HECW1: variants seen among roughly 807,000 people sequenced by gnomAD.
HECW1 encodes the protein HECT, C2 and WW domain containing E3 ubiquitin protein ligase 1.
A neutral mutation model predicts 182.3 loss-of-function variants in HECW1; 61 were observed. The observed-to-expected ratio is 0.33, with a 90% confidence interval of 0.27 to 0.41. The LOEUF (loss-of-function observed/expected upper bound fraction) is 0.41. Among genes scored for constraint, HECW1 ranks in the 10% least tolerant of loss-of-function variants. The pLI is 1.00. For synonymous variants in HECW1, 859 were observed against 832.6 expected (o/e 1.03, Z -0.55); for missense variants, 1,739 against 2,108.9 (o/e 0.82, Z 3.44).
chr7:43,336,144 TTCTCTCTCTCTCTCTC>T lies in HECW1; in HGVS notation c.460+15442_460+15457del, dbSNP rs768468130. Reference sequence around the variant, plus strand: ...TTTCTTTCTCTCTCTCTCTCTCTCTTTCTCTCTCTCTCTCTCTCTCTCTCTCTCTCTCTCTCTCTCT... The same window carrying T: ...TTTCTTTCTCTCTCTCTCTCTCTCTTTCTCTCTCTCTCTCTCTCTCTCTCT... On this transcript the variant is annotated intron_variant, in intron 5 of 29. Coordinates refer to ENST00000395891, the MANE Select transcript of HECW1 (RefSeq NM_015052.5). Among the ~76,000 whole-genome samples the T allele has an allele frequency of 4.6e-3, 238 of 51,940 alleles. 1 individual carries two copies. The highest frequency in any genetic ancestry group is 0.018 in the East Asian group (34 of 1,880). 34.1% of individuals were successfully genotyped at this position (51,940 alleles called of 152,430 possible).
intron 7 of HECW1, among the ~76,000 whole-genome samples, chr7:43,404,566 G>A (rs1411138421): frequency 6.6e-6 from 1 of 152,202 alleles, no homozygotes; most frequent in Non-Finnish European, 1.5e-5. Context: ...TGCAGATGTG[G>A]ACAAGTTGTT....
intron 2 of HECW1, among the ~76,000 whole-genome samples, chr7:43,142,542 T>C (rs930281219): frequency 1.6e-4 from 25 of 152,150 alleles, no homozygotes; most frequent in African/African-American, 6.0e-4. Context: ...GCCAACGTCC[T>C]GCTAGGTTTC....
At chr7:43,202,798 G>GCTT (rs1562668925) in intron 2 of HECW1, among the ~76,000 whole-genome samples, 2 of 152,172 alleles carry the variant, frequency 1.3e-5, no homozygotes, top group African/African-American at 4.8e-5. Flanking sequence ...GAAGAATCAC[G>GCTT]AAAGAAGTGA....
At chr7:43,335,748 CCTCT>C (rs1470897006) in intron 5 of HECW1, among the ~76,000 whole-genome samples, 1 of 145,964 alleles carries the variant, frequency 6.9e-6, no homozygotes, top group South Asian at 2.2e-4. Flanking sequence ...TTCCTCCTTT[CCTCT>C]CTTTCTTTCT....
At chr7:43,311,732 G>C (rs1358851564) in intron 3 of HECW1, 31 bp from the exon 4 acceptor site, 7 of 1,608,118 alleles carry the variant, frequency 4.4e-6, no homozygotes, top group Non-Finnish European at 6.0e-6. Flanking sequence ...GGCGTGCCCT[G>C]ACCCTGCTCA....
intron 2 of HECW1, among the ~76,000 whole-genome samples, chr7:43,188,385 T>A (rs10486736): frequency 0.24 from 36,675 of 152,052 alleles, 4,621 homozygotes; most frequent in Middle Eastern, 0.27. Context: ...GGAAATTCAG[T>A]GTTATTTACC....
intron 24 of HECW1, chr7:43,509,710 G>T (rs948510735): frequency 5.9e-5 from 9 of 152,278 alleles, no homozygotes; most frequent in African/African-American, 2.2e-4. Flanking sequence ...GGGTATTAGA[G>T]GTCTCCAGAA....
intron 13 of HECW1, among the ~76,000 whole-genome samples, chr7:43,461,431 G>C (rs1281596434): frequency 6.6e-6 from 1 of 152,188 alleles, no homozygotes; most frequent in African/African-American, 2.4e-5. Flanking sequence ...AAGAGCATGT[G>C]GGTCTAAAAA....
chr7:43,429,945 ACAT>A (rs1222746251), intron 8 of HECW1, among the ~76,000 whole-genome samples: 3 of 152,216 alleles, frequency 2.0e-5, no homozygotes, highest in African/African-American at 7.2e-5. Context: ...ACCTTCCTCC[ACAT>A]CATGAGGTAT....
intron 8 of HECW1, among the ~76,000 whole-genome samples, chr7:43,410,011 G>A (rs892998907): frequency 5.9e-5 from 9 of 152,274 alleles, no homozygotes; most frequent in South Asian, 2.1e-4. Context: ...AGGCGGTGCC[G>A]CTGCTGAGTG....
intron 2 of HECW1, among the ~76,000 whole-genome samples, chr7:43,215,311 G>A (rs1312306283): frequency 6.6e-6 from 1 of 152,232 alleles, no homozygotes; most frequent in Non-Finnish European, 1.5e-5. Context: ...TGAAAGCAGT[G>A]CTGTTTTCCA....
rs751728485 is a variant in HECW1, at chr7:43,444,925, G to A, written c.1753G>A (p.Ala585Thr). The A allele has an allele frequency of 1.1e-5, 17 of 1,593,494 alleles. No homozygotes were observed. The highest frequency in any genetic ancestry group is 1.3e-5 in the African/African-American group (1 of 74,602). The change falls in exon 11 of 30, where the codon GCG becomes ACG. Residue 585 changes from alanine to threonine, a missense_variant. Transcript: ENST00000395891. This position sits in a 1 kb window ranked among gnomAD's most constrained non-coding sequence, Gnocchi z 4.3. The part of the protein sequence containing the change: ...GGSAAEEEDG[A>T]EEESTLKDSS... ...CAGCGCGGCAGAGGAGGAGGACGGCGCGGAGGAGGAGTCCACCCTCAAGGA... is the reference window on the plus strand; with the variant it reads ...CAGCGCGGCAGAGGAGGAGGACGGCACGGAGGAGGAGTCCACCCTCAAGGA...
chr7:43,195,916 C>T (rs775969856), intron 2 of HECW1, among the ~76,000 whole-genome samples: 20 of 152,060 alleles, frequency 1.3e-4, no homozygotes, highest in Non-Finnish European at 2.6e-4. Context: ...AGAACTGTCA[C>T]GGGGTGGTGG....
intron 8 of HECW1, among the ~76,000 whole-genome samples, chr7:43,410,890 CTTTG>C (rs891270995): frequency 1.7e-4 from 26 of 151,876 alleles, no homozygotes; most frequent in South Asian, 6.2e-4. Context: ...CTTTTTTTCT[CTTTG>C]TTTGTTAACC....
chr7:43,485,108 GA>G (rs948864609), intron 17 of HECW1, among the ~76,000 whole-genome samples: 7 of 151,870 alleles, frequency 4.6e-5, no homozygotes, highest in Non-Finnish European at 1.0e-4. Context: ...GGTACACACC[GA>G]AAAAAAAGCT....
At chr7:43,525,738 A>G (rs1269598524) in intron 24 of HECW1, among the ~76,000 whole-genome samples, 1 of 152,226 alleles carries the variant, frequency 6.6e-6, no homozygotes, top group African/African-American at 2.4e-5. Context: ...ATCATTGTGA[A>G]CGATAAATGG....
intron 2 of HECW1, among the ~76,000 whole-genome samples, chr7:43,178,897 G>A (rs977602755): frequency 4.6e-5 from 7 of 152,148 alleles, no homozygotes; most frequent in African/African-American, 1.7e-4. Flanking sequence ...AAGCTCAATT[G>A]CAAAAGCAGC....
chr7:43,147,435 TTTG>T (rs1178401454), intron 2 of HECW1: 1 of 152,226 alleles, frequency 6.6e-6, no homozygotes, highest in Non-Finnish European at 1.5e-5. Context: ...TAGTTTTTCT[TTTG>T]TTATTGCAGA....
At chr7:43,474,801 C>G (rs1244161261) in intron 16 of HECW1, among the ~76,000 whole-genome samples, 2 of 152,008 alleles carry the variant, frequency 1.3e-5, no homozygotes, top group Non-Finnish European at 2.9e-5. Context: ...AATGTTTGTC[C>G]TTACAAAGAA....
Sources: allele counts gnomAD v4.1 joint callset (sites outside exome capture counted in the v4.1 genomes callset), GRCh38; gene constraint gnomAD v4.1.1; non-coding constraint Gnocchi (gnomAD v3.1); transcripts MANE v1.5; gene names NCBI Gene and HGNC (gene_info 2026-07-23, HGNC 2026-07-21).